Variants in TATDN1 observed in about 807,000 individuals in gnomAD.
The protein encoded by TATDN1 is TatD DNase domain containing 1.
A neutral mutation model predicts 46.4 loss-of-function variants in TATDN1; 40 were observed. The observed-to-expected ratio is 0.86, with a 90% CI of 0.67 to 1.12. The LOEUF is 1.12. Among genes scored for constraint, TATDN1 ranks in the 50% most tolerant of loss-of-function variants. TATDN1 has a pLI of 0.00. For missense variants in TATDN1, 326 were observed against 348.4 expected, an observed-to-expected ratio of 0.94 and a Z score of 0.51; for synonymous variants, 95 against 105.6, an observed-to-expected ratio of 0.90 and a Z score of 0.62.
intron 1 of TATDN1, among the ~76,000 whole-genome samples, chr8:124,535,167 A>C (rs1379047915): frequency 6.6e-6 from 1 of 152,178 alleles, no homozygotes; most frequent in African/African-American, 2.4e-5. Flanking sequence ...GCTATCCAGG[A>C]GCCCCCAGCC....
At chr8:124,523,909 T>C (rs912210838) in intron 1 of TATDN1, among the ~76,000 whole-genome samples, 9 of 152,042 alleles carry the variant, frequency 5.9e-5, no homozygotes, top group Non-Finnish European at 2.9e-5. Context: ...TGCTGTAGAA[T>C]ATAAGGGAAC....
At chr8:124,520,836 G>A (rs954571615) in intron 3 of TATDN1, among the ~76,000 whole-genome samples, 24 of 151,582 alleles carry the variant, frequency 1.6e-4, no homozygotes, top group African/African-American at 5.3e-4. Flanking sequence ...CCAGCTACTC[G>A]GGAGGCTGAG....
At chr8:124,509,097 G>T (rs965557026) in intron 6 of TATDN1, among the ~76,000 whole-genome samples, 1 of 152,084 alleles carries the variant, frequency 6.6e-6, no homozygotes, top group African/African-American at 2.4e-5. Context: ...AATGAACAAG[G>T]TTTCCCTCAA....
intron 1 of TATDN1, among the ~76,000 whole-genome samples, chr8:124,529,909 C>G (rs1820813031): frequency 6.6e-6 from 1 of 151,986 alleles, no homozygotes; most frequent in African/African-American, 2.4e-5. Context: ...CTGGCCAACA[C>G]AGTGAAATCC....
Position 124,508,646 on chromosome 8 carries a change from T to C in TATDN1, c.432A>G (p.Leu144=). The part of the protein sequence containing the change: ...KQFELSEQTK[L]PMFLHCRNSH... ...AGTTTCGACAATGAAGAAACATTGG[T>C]AATTTTGTTTGTTCTGACAGTTCAA... Residue 144 remains leucine (L), a synonymous_variant, in exon 7 of 12, where the codon TTA becomes TTG. Transcript: ENST00000276692. The C allele has an allele frequency of 6.3e-7, 1 of 1,599,346 alleles. No individual in the cohort carries two copies. Among genetic ancestry groups the C allele is most frequent in the Non-Finnish European group, 8.5e-7 (1 of 1,172,566 alleles).
intron 1 of TATDN1, among the ~76,000 whole-genome samples, chr8:124,527,929 GC>G (rs1173387122): frequency 1.3e-5 from 2 of 151,794 alleles, no homozygotes; most frequent in African/African-American, 2.4e-5. Context: ...AAATTAACTT[GC>G]CTGTAAGTTC....
At chr8:124,517,504 A>G (rs1819590020) in intron 4 of TATDN1, among the ~76,000 whole-genome samples, 1 of 152,178 alleles carries the variant, frequency 6.6e-6, no homozygotes, top group South Asian at 2.1e-4. Flanking sequence ...CCATAAAAAT[A>G]TAGCTTTTAG....
At chr8:124,538,868 T>C (rs1207074302) in intron 1 of TATDN1, 157 bp downstream of exon 1, 5 of 759,924 alleles carry the variant, frequency 6.6e-6, no homozygotes, top group South Asian at 5.9e-5. Flanking sequence ...ACCAGAGCAT[T>C]ACCAGCACCC....
intron 9 of TATDN1, chr8:124,503,859 A>C: frequency 7.9e-7 from 1 of 1,264,010 alleles, no homozygotes; most frequent in South Asian, 1.2e-5. Context: ...AATTTCTTTG[A>C]GCCTCGGTTT....
At chr8:124,500,628 G>T (rs886412080) in intron 9 of TATDN1, among the ~76,000 whole-genome samples, 1 of 151,876 alleles carries the variant, frequency 6.6e-6, no homozygotes, top group African/African-American at 2.4e-5. Flanking sequence ...GAGCCCAGGA[G>T]GTCGGGGCTA....
chr8:124,500,850 C>G (rs1817905130), intron 9 of TATDN1, among the ~76,000 whole-genome samples: 1 of 151,422 alleles, frequency 6.6e-6, no homozygotes, highest in Admixed American at 6.6e-5. Context: ...CAACATATAG[C>G]TGAAAGTGGA....
Position 124,524,376 on chromosome 8 carries a change from T to C in TATDN1, c.23-1374A>G, listed in dbSNP as rs563420743. ...ATCATCTAATACTATACATACAATATAGAAGTTTGGTGGAATGGCCCAATC... is the reference window on the plus strand; with the variant it reads ...ATCATCTAATACTATACATACAATACAGAAGTTTGGTGGAATGGCCCAATC... On this transcript the variant is annotated intron_variant, in intron 1 of 11. Coordinates refer to ENST00000276692, the MANE Select transcript of TATDN1 (RefSeq NM_032026.4). Among the ~76,000 whole-genome samples, 317 of 152,268 alleles carry C rather than the reference T, an allele frequency of 2.1e-3. 2 individuals are homozygous for C. Among genetic ancestry groups the C allele is most frequent in the Middle Eastern group, 6.8e-3 (2 of 294 alleles).
At chr8:124,503,628 T>C (rs1167110619) in intron 9 of TATDN1, among the ~76,000 whole-genome samples, 1 of 152,194 alleles carries the variant, frequency 6.6e-6, no homozygotes, top group Non-Finnish European at 1.5e-5. Context: ...GAAACTCCTA[T>C]ACTATTTTGC....
intron 11 of TATDN1, chr8:124,491,529 C>G (rs1027336460): frequency 2.0e-5 from 3 of 152,258 alleles, no homozygotes; most frequent in Non-Finnish European, 4.4e-5. Flanking sequence ...TATAACAGCA[C>G]TACTATCTTG....
intron 3 of TATDN1, among the ~76,000 whole-genome samples, chr8:124,521,162 T>A (rs931987452): frequency 1.3e-5 from 2 of 152,130 alleles, no homozygotes; most frequent in Non-Finnish European, 2.9e-5. Flanking sequence ...AGACTCCAGG[T>A]TATAAAGCTA....
At chr8:124,502,703 A>G (rs1818082995) in intron 9 of TATDN1, among the ~76,000 whole-genome samples, 1 of 152,248 alleles carries the variant, frequency 6.6e-6, no homozygotes, top group Non-Finnish European at 1.5e-5. Context: ...AGGTTTGCTC[A>G]TGTGGTATAC....
intron 9 of TATDN1, among the ~76,000 whole-genome samples, chr8:124,497,267 T>C (rs970521701): frequency 4.6e-5 from 7 of 151,290 alleles, no homozygotes; most frequent in East Asian, 1.9e-4. Context: ...CTCTGCCCTC[T>C]GTATTTCCTT....
intron 9 of TATDN1, among the ~76,000 whole-genome samples, chr8:124,499,426 T>C (rs558963625): frequency 6.6e-6 from 1 of 152,342 alleles, no homozygotes; most frequent in Non-Finnish European, 1.5e-5. Flanking sequence ...CTGTAAAATT[T>C]GCCCAAATAT....
intron 1 of TATDN1, chr8:124,523,302 A>C (rs1343523051): frequency 2.5e-5 from 7 of 278,438 alleles, no homozygotes; most frequent in Non-Finnish European, 4.7e-5. Context: ...CACCCAACCT[A>C]GTCTGGTGGC....
Sources: allele counts gnomAD v4.1 joint callset (sites outside exome capture counted in the v4.1 genomes callset), GRCh38; gene constraint gnomAD v4.1.1; transcripts MANE v1.5; gene names NCBI Gene and HGNC (gene_info 2026-07-23, HGNC 2026-07-21).